The following TEX11 variants were observed in gnomAD, a reference collection of about 807,000 sequenced individuals.
TEX11 encodes testis expressed 11, also known as testis-expressed protein 11.
In TEX11, 7 loss-of-function variants were observed where a neutral mutation model predicts 84.4. That is an observed-to-expected ratio of 0.08 (90% confidence interval 0.05 to 0.16). The LOEUF (loss-of-function observed/expected upper bound fraction) is 0.16. TEX11 is among the 10% of genes least tolerant of loss of function. TEX11 has a pLI of 1.00. For missense variants in TEX11, 551 were observed against 660.5 expected (o/e 0.83, Z 1.82); for synonymous variants, 264 against 222.8 (o/e 1.18, Z -1.64).
At chrX:70,647,507 T>C (rs1335895029) in intron 17 of TEX11, among the ~76,000 whole-genome samples, 1 of 107,661 alleles carries the variant, frequency 9.3e-6, no homozygotes, top group East Asian at 2.9e-4. Context: ...AGCCCAGGAG[T>C]TTGAGGCCAG....
At chrX:70,711,692 C>T (rs1390399054) in intron 13 of TEX11, among the ~76,000 whole-genome samples, 4 of 111,454 alleles carry the variant, frequency 3.6e-5, no homozygotes, top group Admixed American at 9.5e-5. Context: ...GATATTAGCC[C>T]TTTGTCAGAT....
chrX:70,864,691 G>A (rs1342997377), intron 4 of TEX11, among the ~76,000 whole-genome samples: 3 of 100,982 alleles, frequency 3.0e-5, no homozygotes, highest in Admixed American at 1.1e-4. Context: ...GCAGTGAGCC[G>A]AGATCATGCC....
intron 15 of TEX11, among the ~76,000 whole-genome samples, chrX:70,671,880 G>GATATATATATATATATAT (rs67645855): frequency 1.5e-4 from 10 of 66,326 alleles, no homozygotes; most frequent in South Asian, 1.2e-3. Context: ...CAATTGTTTT[G>GATATATATATATATATAT]ATATATATAT....
intron 20 of TEX11, among the ~76,000 whole-genome samples, chrX:70,623,713 A>G (rs1243373512): frequency 1.8e-5 from 2 of 111,455 alleles, no homozygotes; most frequent in African/African-American, 6.5e-5. Flanking sequence ...TGGTGTAGGT[A>G]TTATTATTCT....
intron 24 of TEX11, among the ~76,000 whole-genome samples, chrX:70,596,254 ATAGAACAC>A (rs1288133240): frequency 6.3e-5 from 7 of 111,820 alleles, no homozygotes; most frequent in Non-Finnish European, 1.1e-4. Flanking sequence ...CATCAAGGAT[ATAGAACAC>A]TTGAACAACA....
chrX:70,624,631 C>G (rs1437315201), intron 19 of TEX11, among the ~76,000 whole-genome samples: 2 of 111,887 alleles, frequency 1.8e-5, no homozygotes, highest in Non-Finnish European at 3.8e-5. Context: ...GAGAACCACT[C>G]TAGAATCCTG....
At chrX:70,543,176 C>T (rs1201905948) in intron 28 of TEX11, among the ~76,000 whole-genome samples, 5 of 108,700 alleles carry the variant, frequency 4.6e-5, no homozygotes, top group African/African-American at 6.7e-5. Context: ...AGCGAGACTC[C>T]GTCTCAAAAA....
At chrX:70,665,007 A>C (rs1389820328) in intron 16 of TEX11, among the ~76,000 whole-genome samples, 1 of 111,030 alleles carries the variant, frequency 9.0e-6, no homozygotes, top group Non-Finnish European at 1.9e-5. Context: ...ATATATAACC[A>C]GCACATGAGA....
At chrX:70,643,960 A>G (rs1416627385) in intron 17 of TEX11, among the ~76,000 whole-genome samples, 1 of 104,560 alleles carries the variant, frequency 9.6e-6, no homozygotes, top group Non-Finnish European at 2.0e-5. Flanking sequence ...ACAGCAAAAG[A>G]AACTACCATC....
chrX:70,552,624 G>GC (rs1028005410), intron 27 of TEX11, among the ~76,000 whole-genome samples: 3 of 111,474 alleles, frequency 2.7e-5, no homozygotes, highest in African/African-American at 9.8e-5. Context: ...TGTCTTTCGT[G>GC]CCTTAACACA....
At chrX:70,704,115 G>C (rs751072960) in intron 13 of TEX11, among the ~76,000 whole-genome samples, 4 of 103,636 alleles carry the variant, frequency 3.9e-5, no homozygotes, top group Non-Finnish European at 8.0e-5. Flanking sequence ...CTCTGTCTCT[G>C]TCTCTCTCTC....
chrX:70,586,248 A>G (rs995858805), intron 25 of TEX11, among the ~76,000 whole-genome samples: 2 of 112,446 alleles, frequency 1.8e-5, no homozygotes, highest in African/African-American at 6.5e-5. Context: ...ATAAATCTTC[A>G]TGACTTTGGA....
At chrX:70,816,522 C>T (rs1245576265) in intron 8 of TEX11, among the ~76,000 whole-genome samples, 1 of 109,676 alleles carries the variant, frequency 9.1e-6, no homozygotes, top group African/African-American at 3.3e-5. Flanking sequence ...ACCAGCCTGG[C>T]CAACATGGTA....
At chrX:70,703,368 G>A (rs1267363903) in intron 13 of TEX11, among the ~76,000 whole-genome samples, 2 of 111,412 alleles carry the variant, frequency 1.8e-5, no homozygotes, top group South Asian at 3.8e-4. Flanking sequence ...CTGCAGATGA[G>A]GAAAGTGAGG....
chrX:70,608,012 C>T (rs138045408), intron 22 of TEX11, among the ~76,000 whole-genome samples: 1 of 112,230 alleles, frequency 8.9e-6, no homozygotes, highest in East Asian at 2.8e-4. Flanking sequence ...AGAATCAGTC[C>T]ACTTTGTGGC....
At chrX:70,901,506 G>A (rs754989250) in intron 2 of TEX11, among the ~76,000 whole-genome samples, 60 of 111,712 alleles carry the variant, frequency 5.4e-4, no homozygotes, top group African/African-American at 1.9e-3. Flanking sequence ...GATGGTGGGG[G>A]GATGGTTTCG....
At chrX:70,582,696 T>C in intron 25 of TEX11, among the ~76,000 whole-genome samples, 1 of 109,948 alleles carries the variant, frequency 9.1e-6, no homozygotes, top group Non-Finnish European at 1.9e-5. Flanking sequence ...ACCTCCTATG[T>C]TAGAATTGTG....
At chrX:70,635,081 C>T (rs1020128744) in intron 17 of TEX11, among the ~76,000 whole-genome samples, 1 of 112,266 alleles carries the variant, frequency 8.9e-6, no homozygotes, top group African/African-American at 3.2e-5. Context: ...ATTTGAACAA[C>T]TATCCACACA....
At chrX:70,861,820 G>A (rs1312597861) in intron 4 of TEX11, among the ~76,000 whole-genome samples, 1 of 110,412 alleles carries the variant, frequency 9.1e-6, no homozygotes, top group South Asian at 3.9e-4. Flanking sequence ...AAGTCCCAAA[G>A]ACTCACTAAA....
Sources: gnomAD v4.1 joint callset for allele counts (sites outside exome capture counted in the v4.1 genomes callset) on GRCh38, gnomAD v4.1.1 for gene constraint, MANE v1.5 for transcripts, NCBI Gene and HGNC (gene_info 2026-07-23, HGNC 2026-07-21) for gene names.